The following ARPP21 variants were observed in gnomAD, a reference collection of about 807,000 sequenced individuals.
The protein encoded by ARPP21 is cAMP regulated phosphoprotein 21.
A neutral mutation model predicts 113.2 loss-of-function variants in ARPP21; 69 were observed. The ratio of observed to expected loss-of-function variants is 0.61; its 90% CI spans 0.50 to 0.74. ARPP21 has a LOEUF of 0.74. ARPP21 is among the 30% of genes least tolerant of loss of function. ARPP21 has a pLI of 0.00. For synonymous variants in ARPP21, 368 were observed against 375.5 expected, an observed-to-expected ratio of 0.98 and a Z score of 0.23; for missense variants, 1,070 against 1,037.4, an observed-to-expected ratio of 1.03 and a Z score of -0.43.
At chr3:35,746,783 C>G (rs1175628428) in intron 19 of ARPP21, among the ~76,000 whole-genome samples, 1 of 152,214 alleles carries the variant, frequency 6.6e-6, no homozygotes, top group African/African-American at 2.4e-5. Context: ...TAAAAAGCCT[C>G]TCTTCCTTCT....
At chr3:35,767,218 GACTT>G (rs2151433003) in intron 19 of ARPP21, among the ~76,000 whole-genome samples, 1 of 152,196 alleles carries the variant, frequency 6.6e-6, no homozygotes, top group Admixed American at 6.5e-5. Flanking sequence ...TGATCTCTGG[GACTT>G]ACTTTCAATT....
intron 19 of ARPP21, among the ~76,000 whole-genome samples, chr3:35,748,086 G>GAA (rs71634572): frequency 1.7e-5 from 2 of 120,482 alleles, no homozygotes; most frequent in African/African-American, 6.7e-5. Context: ...AAGAAAGAAA[G>GAA]AAAGAAAGAA....
chr3:35,770,555 G>A (rs1410247342), intron 19 of ARPP21, among the ~76,000 whole-genome samples: 3 of 152,160 alleles, frequency 2.0e-5, no homozygotes, highest in Admixed American at 6.5e-5. Flanking sequence ...GAAGACTCTT[G>A]AAGAATGGTC....
intron 9 of ARPP21, among the ~76,000 whole-genome samples, chr3:35,703,319 G>C (rs996303210): frequency 6.6e-6 from 1 of 151,860 alleles, no homozygotes. Context: ...TAGAACACAA[G>C]AGTTTGATTA....
In ARPP21 at chr3:35,792,513, A is replaced by G. The variant is rs200410773; in HGVS notation, c.2269A>G (p.Thr757Ala). Residue 757 changes from threonine to alanine, a missense_variant, in exon 20 of 21, where the codon ACA (threonine) becomes GCA (alanine). By Grantham distance (58) the Thr-to-Ala change is moderately conservative (BLOSUM62 0). Transcript: ENST00000684406. ...GCAAAGCGTGATGGTTTCCTACCCA[A>G]CAATGTCTTCTTATCAGGTGCTCAT... ...PVQSVMVSYP[T>A]MSSYQVPMTQ... The G allele has an allele frequency of 3.6e-4, 574 of 1,613,976 alleles. No homozygotes were observed. The highest frequency in any genetic ancestry group is 3.8e-4 in the Non-Finnish European group (451 of 1,179,964).
chr3:35,731,933 G>A (rs2094002703), intron 15 of ARPP21, among the ~76,000 whole-genome samples: 1 of 152,126 alleles, frequency 6.6e-6, no homozygotes, highest in Non-Finnish European at 1.5e-5. Flanking sequence ...AAGCTGTTGT[G>A]CAGAGGAGCC....
At chr3:35,656,631 C>A (rs1034829073) in intron 1 of ARPP21, among the ~76,000 whole-genome samples, 3 of 151,870 alleles carry the variant, frequency 2.0e-5, no homozygotes, top group Admixed American at 6.6e-5. Context: ...TGACAAAGGG[C>A]AGATTGGTGA....
rs6762539 is a variant in ARPP21, at chr3:35,717,401, T to C, written c.995+44T>C. 6.7e-5 allele frequency: 79 copies of C among 1,177,750 alleles called. No homozygotes were observed. The African/African-American group carries it at 1.1e-3, about 17-fold the overall frequency. 73.0% of individuals were successfully genotyped at this position (1,177,750 alleles called of 1,614,324 possible). A position where few individuals can be genotyped will look rare whatever the true frequency, so the allele number is the denominator to read the frequency against. On this transcript the variant is annotated intron_variant, in intron 13 of 20. Coordinates refer to ENST00000684406, the MANE Select transcript of ARPP21 (RefSeq NM_001385562.1). ...CTTAAACTGTGTTTTTTTCAAATTA[T>C]GTGGTAGAATCAATGTTAAATATTA...
chr3:35,762,334 T>C (rs1426842273), intron 19 of ARPP21, among the ~76,000 whole-genome samples: 31 of 152,148 alleles, frequency 2.0e-4, no homozygotes, highest in Non-Finnish European at 5.9e-5. Context: ...ATATTTGTGA[T>C]TAATATCAGA....
chr3:35,644,845 T>A (rs2148881673), intron 1 of ARPP21, among the ~76,000 whole-genome samples: 1 of 151,954 alleles, frequency 6.6e-6, no homozygotes. Flanking sequence ...TCAATATTTT[T>A]AAATATCTTT....
At chr3:35,779,046 T>A (rs1408128336) in intron 19 of ARPP21, among the ~76,000 whole-genome samples, 2 of 152,156 alleles carry the variant, frequency 1.3e-5, no homozygotes, top group Non-Finnish European at 2.9e-5. Flanking sequence ...ATGGTTTGAT[T>A]CCATTTTTTA....
chr3:35,766,835 G>T (rs2095998492), intron 19 of ARPP21, among the ~76,000 whole-genome samples: 2 of 151,910 alleles, frequency 1.3e-5, no homozygotes, highest in Non-Finnish European at 2.9e-5. Flanking sequence ...ATACATATGT[G>T]TGTGTGTGTG....
intron 15 of ARPP21, among the ~76,000 whole-genome samples, chr3:35,730,441 T>A (rs2150503331): frequency 6.6e-6 from 1 of 152,322 alleles, no homozygotes; most frequent in Middle Eastern, 3.4e-3. Flanking sequence ...ACAGAAATGC[T>A]GCTAAACATC....
intron 1 of ARPP21, among the ~76,000 whole-genome samples, chr3:35,664,489 TTC>T (rs574838488): frequency 7.4e-4 from 113 of 152,282 alleles, no homozygotes; most frequent in Non-Finnish European, 1.1e-3. Context: ...ATTCTATCAT[TTC>T]TGATACCCTG....
chr3:35,718,204 A>G lies in ARPP21; in HGVS notation c.995+847A>G, dbSNP rs192276690. 2.0e-5 allele frequency among the ~76,000 whole-genome samples: 3 copies of G among 152,308 alleles called. No homozygotes were observed. The East Asian group carries it at 5.8e-4, about 29-fold the overall frequency. On this transcript the variant is annotated intron_variant, in intron 13 of 20. Coordinates refer to ENST00000684406, the MANE Select transcript of ARPP21 (RefSeq NM_001385562.1). Reference sequence around the variant, plus strand: ...ATTTTCTGCAATAATTCTGGACTTTAGAACTCATTATGAGTAAAATTAATT... The same window carrying G: ...ATTTTCTGCAATAATTCTGGACTTTGGAACTCATTATGAGTAAAATTAATT...
At chr3:35,787,521 T>A (rs978727882) in intron 19 of ARPP21, among the ~76,000 whole-genome samples, 2 of 152,182 alleles carry the variant, frequency 1.3e-5, no homozygotes, top group African/African-American at 2.4e-5. Flanking sequence ...GCCTCACCCA[T>A]ACCTCACCCC....
chr3:35,737,948 G>A (rs1024417495), intron 16 of ARPP21, among the ~76,000 whole-genome samples: 1 of 152,156 alleles, frequency 6.6e-6, no homozygotes, highest in African/African-American at 2.4e-5. Flanking sequence ...TTGTTTTGGG[G>A]CAGTATTTTC....
intron 9 of ARPP21, among the ~76,000 whole-genome samples, chr3:35,705,527 G>A (rs770661424): frequency 2.0e-5 from 3 of 152,114 alleles, no homozygotes; most frequent in Non-Finnish European, 4.4e-5. Flanking sequence ...GAGGAATTTT[G>A]TTCTTTATCT....
At chr3:35,735,405 G>T (rs2094286427) in intron 15 of ARPP21, among the ~76,000 whole-genome samples, 1 of 152,134 alleles carries the variant, frequency 6.6e-6, no homozygotes, top group Admixed American at 6.5e-5. Context: ...GAGCCACCAT[G>T]CCTGTCCCTT....
Sources: allele counts gnomAD v4.1 joint callset (sites outside exome capture counted in the v4.1 genomes callset), GRCh38; gene constraint gnomAD v4.1.1; transcripts MANE v1.5; gene names NCBI Gene and HGNC (gene_info 2026-07-23, HGNC 2026-07-21).